ADCY2: variants seen among roughly 807,000 people sequenced by gnomAD.
ADCY2 encodes adenylate cyclase 2.
A neutral mutation model predicts 125.2 loss-of-function variants in ADCY2; 31 were observed. The ratio of observed to expected loss-of-function variants is 0.25; its 90% CI spans 0.19 to 0.33. ADCY2 has a LOEUF of 0.33. ADCY2 is among the 10% of genes least tolerant of loss of function. ADCY2 has a pLI of 1.00. For missense variants in ADCY2, 904 were observed against 1,418.2 expected (o/e 0.64, Z 5.82); for synonymous variants, 512 against 548.4 (o/e 0.93, Z 0.93).
intron 2 of ADCY2, among the ~76,000 whole-genome samples, chr5:7,479,386 C>T (rs939421573): frequency 6.6e-6 from 1 of 152,072 alleles, no homozygotes; most frequent in African/African-American, 2.4e-5. Context: ...GCTACAGTCT[C>T]ACAGCTTAGT....
intron 3 of ADCY2, among the ~76,000 whole-genome samples, chr5:7,536,927 C>T (rs538744133): frequency 7.2e-5 from 11 of 152,160 alleles, no homozygotes; most frequent in South Asian, 2.1e-4. Flanking sequence ...TAAGGTTTCA[C>T]GTTGATCTAA....
intron 15 of ADCY2, among the ~76,000 whole-genome samples, chr5:7,752,647 C>G (rs887454643): frequency 1.3e-5 from 2 of 150,404 alleles, no homozygotes; most frequent in Non-Finnish European, 3.0e-5. Context: ...TTAGATTTAA[C>G]TTAATTTGAG....
At chr5:7,801,918 C>A in intron 20 of ADCY2, 1 of 278,924 alleles carries the variant, frequency 3.6e-6, no homozygotes, top group Non-Finnish European at 6.7e-6. Context: ...TGAAAGGACA[C>A]TTTTTACTAA....
At chr5:7,420,064 C>T (rs770540544) in intron 2 of ADCY2, among the ~76,000 whole-genome samples, 2 of 152,264 alleles carry the variant, frequency 1.3e-5, no homozygotes, top group East Asian at 1.9e-4. Flanking sequence ...TTGCACCCCC[C>T]GGGGACATGT....
intron 12 of ADCY2, among the ~76,000 whole-genome samples, chr5:7,722,012 G>T (rs1377415491): frequency 2.0e-4 from 30 of 152,178 alleles, no homozygotes; most frequent in Non-Finnish European, 1.5e-5. Context: ...AAGTGTGTAG[G>T]AAGAATATAC....
At chr5:7,641,237 T>G (rs1738695798) in intron 4 of ADCY2, among the ~76,000 whole-genome samples, 1 of 152,212 alleles carries the variant, frequency 6.6e-6, no homozygotes, top group Admixed American at 6.5e-5. Context: ...GTGGATAGTT[T>G]TGTAGATTAC....
rs1743033792 is a variant in ADCY2 at position 7,757,501 on chromosome 5, G to T, written c.2009G>T (p.Gly670Val). ...CTCATGTGGCTTTTGAAGTCCTCGG[G>T]CATCATTGCCAACCGCCCCTGGCCA... ...PLLMWLLKSS[G>V]IIANRPWPRI... Residue 670 changes from glycine to valine, a missense_variant, in exon 16 of 25, where the codon GGC becomes GTC. This residue lies in a region of ADCY2 where 221 missense variants were observed against 246.2 expected (regional missense o/e 0.90). Transcript: ENST00000338316. 3.7e-6 allele frequency: 6 copies of T among 1,613,834 alleles called. No homozygotes were observed. Among genetic ancestry groups the T allele is most frequent in the Non-Finnish European group, 5.1e-6 (6 of 1,179,992 alleles).
intron 2 of ADCY2, among the ~76,000 whole-genome samples, chr5:7,487,820 A>G (rs376927710): frequency 2.6e-5 from 4 of 152,176 alleles, no homozygotes; most frequent in South Asian, 4.1e-4. Flanking sequence ...TTGAGTCATC[A>G]TCTAAATTGA....
At chr5:7,425,381 T>G (rs1740351148) in intron 2 of ADCY2, among the ~76,000 whole-genome samples, 1 of 152,236 alleles carries the variant, frequency 6.6e-6, no homozygotes, top group Admixed American at 6.5e-5. Flanking sequence ...GCATTAAGTC[T>G]TGGATGCTGT....
intron 7 of ADCY2, among the ~76,000 whole-genome samples, chr5:7,699,915 A>G (rs1579330359): frequency 1.3e-5 from 2 of 152,316 alleles, no homozygotes; most frequent in South Asian, 2.1e-4. Flanking sequence ...GCCTTAGACT[A>G]CAGTGAAACT....
At chr5:7,466,936 G>A (rs1742141988) in intron 2 of ADCY2, among the ~76,000 whole-genome samples, 1 of 152,132 alleles carries the variant, frequency 6.6e-6, no homozygotes, top group Admixed American at 6.5e-5. Flanking sequence ...TGTTAAAGTG[G>A]TATGCATTTA....
At chr5:7,432,912 T>TTGTACATGTTGTACTGCTTAC (rs1740660123) in intron 2 of ADCY2, among the ~76,000 whole-genome samples, 1 of 152,148 alleles carries the variant, frequency 6.6e-6, no homozygotes. Context: ...GTACTGCTTA[T>TTGTACATGTTGTACTGCTTAC]TGTACTGCAT....
At chr5:7,457,057 G>A (rs1205606706) in intron 2 of ADCY2, among the ~76,000 whole-genome samples, 2 of 152,144 alleles carry the variant, frequency 1.3e-5, no homozygotes, top group Non-Finnish European at 2.9e-5. Context: ...CTTAAGAGGA[G>A]GTCCCAGCAA....
intron 2 of ADCY2, among the ~76,000 whole-genome samples, chr5:7,483,520 A>T (rs1211914136): frequency 6.6e-6 from 1 of 152,238 alleles, no homozygotes; most frequent in African/African-American, 2.4e-5. Context: ...GTAAAAATGT[A>T]AGAGGGTCAC....
chr5:7,595,749 C>CT (rs1736983713), intron 3 of ADCY2, among the ~76,000 whole-genome samples: 1 of 152,134 alleles, frequency 6.6e-6, no homozygotes, highest in African/African-American at 2.4e-5. Context: ...TGCATACAGC[C>CT]TGTGCACATC....
chr5:7,465,049 G>C (rs1362099379), intron 2 of ADCY2, among the ~76,000 whole-genome samples: 2 of 152,142 alleles, frequency 1.3e-5, no homozygotes, highest in East Asian at 3.9e-4. Context: ...AAAACCATTA[G>C]ATCTCATGAG....
At chr5:7,674,883 C>T (rs374495130) in intron 4 of ADCY2, among the ~76,000 whole-genome samples, 29 of 152,184 alleles carry the variant, frequency 1.9e-4, no homozygotes, top group East Asian at 1.4e-3. Flanking sequence ...TGGCTGGGCG[C>T]GGTGGCTCAC....
intron 4 of ADCY2, among the ~76,000 whole-genome samples, chr5:7,655,344 C>A (rs1739283930): frequency 6.6e-6 from 1 of 152,124 alleles, no homozygotes; most frequent in Non-Finnish European, 1.5e-5. Flanking sequence ...TTCACTAACA[C>A]AATTATGGAG....
intron 19 of ADCY2, among the ~76,000 whole-genome samples, chr5:7,788,386 G>A (rs1324108843): frequency 5.9e-5 from 9 of 152,158 alleles, no homozygotes; most frequent in Non-Finnish European, 1.2e-4. Context: ...TGCCAGGTGG[G>A]CCAGGCTGGT....
Sources: gnomAD v4.1 joint callset for allele counts (sites outside exome capture counted in the v4.1 genomes callset) on GRCh38, gnomAD v4.1.1 for gene constraint, gnomAD v4.1.1 regional missense constraint, MANE v1.5 for transcripts, NCBI Gene and HGNC (gene_info 2026-07-23, HGNC 2026-07-21) for gene names.